ENOX2: variants seen among roughly 807,000 people sequenced by gnomAD.
The protein encoded by ENOX2 is ecto-NOX disulfide-thiol exchanger 2.
In ENOX2, 36 loss-of-function variants were observed where a neutral mutation model predicts 45.0. The ratio of observed to expected loss-of-function variants is 0.80; its 90% CI spans 0.61 to 1.06. ENOX2 has a LOEUF of 1.06. ENOX2 is among the 50% of genes least tolerant of loss of function. ENOX2 has a pLI of 0.00. For synonymous variants in ENOX2, 174 were observed against 152.3 expected, an observed-to-expected ratio of 1.14 and a Z score of -1.05; for missense variants, 423 against 462.5, an observed-to-expected ratio of 0.91 and a Z score of 0.78.
intron 2 of ENOX2, among the ~76,000 whole-genome samples, chrX:130,812,357 A>T (rs972811194): frequency 5.4e-5 from 6 of 112,126 alleles, no homozygotes; most frequent in African/African-American, 1.6e-4. Context: ...CAGTAAGGCT[A>T]GCAGTGGATT....
At chrX:130,873,045 T>C (rs1340147505) in intron 2 of ENOX2, among the ~76,000 whole-genome samples, 1 of 111,363 alleles carries the variant, frequency 9.0e-6, no homozygotes, top group Non-Finnish European at 1.9e-5. Context: ...AATTGACAAA[T>C]GGGATCTAAT....
intron 3 of ENOX2, among the ~76,000 whole-genome samples, chrX:130,755,193 G>A (rs1460975910): frequency 9.0e-6 from 1 of 110,878 alleles, no homozygotes; most frequent in Non-Finnish European, 1.9e-5. Flanking sequence ...GAGGCATTAT[G>A]GAACAATGTC....
chrX:130,785,833 G>T (rs1032625168), intron 2 of ENOX2, among the ~76,000 whole-genome samples: 1 of 112,260 alleles, frequency 8.9e-6, no homozygotes, highest in African/African-American at 3.2e-5. Context: ...ATAGTGGAAA[G>T]ATCCCGACAG....
At chrX:130,902,804 G>A (rs1297307694) in intron 1 of ENOX2, among the ~76,000 whole-genome samples, 1 of 100,499 alleles carries the variant, frequency 1.0e-5, no homozygotes, top group Non-Finnish European at 2.0e-5. Flanking sequence ...AAAGGGGCGG[G>A]CGAGTTGGAC....
At chrX:130,779,132 T>C (rs751243934) in intron 3 of ENOX2, among the ~76,000 whole-genome samples, 14 of 112,533 alleles carry the variant, frequency 1.2e-4, no homozygotes, top group Non-Finnish European at 2.3e-4. Context: ...GAACTTGGCA[T>C]TGTGATTTTA....
intron 2 of ENOX2, among the ~76,000 whole-genome samples, chrX:130,853,150 G>A (rs748186274): frequency 1.6e-4 from 18 of 109,437 alleles, no homozygotes; most frequent in Non-Finnish European, 3.0e-4. Context: ...ACCTAGAAAT[G>A]CCAATGGGCA....
intron 2 of ENOX2, among the ~76,000 whole-genome samples, chrX:130,856,092 A>C (rs1435353882): frequency 8.9e-6 from 1 of 112,265 alleles, no homozygotes; most frequent in Non-Finnish European, 1.9e-5. Flanking sequence ...AATGCTGAGA[A>C]ACTATCATTT....
chrX:130,845,173 A>G (rs890722726), intron 2 of ENOX2, among the ~76,000 whole-genome samples: 1 of 112,292 alleles, frequency 8.9e-6, no homozygotes, highest in Non-Finnish European at 1.9e-5. Context: ...ATTTAAATGC[A>G]CAGCAGGCAG....
intron 10 of ENOX2, among the ~76,000 whole-genome samples, chrX:130,639,702 T>G (rs1027189985): frequency 3.6e-5 from 4 of 110,425 alleles, no homozygotes; most frequent in Non-Finnish European, 7.6e-5. Flanking sequence ...TTAGACAACA[T>G]ACAAGAACAG....
At chrX:130,804,379 C>T (rs903974547) in intron 2 of ENOX2, among the ~76,000 whole-genome samples, 1 of 111,927 alleles carries the variant, frequency 8.9e-6, no homozygotes, top group Non-Finnish European at 1.9e-5. Context: ...AACTTTGGCA[C>T]TTTGAACACT....
intron 2 of ENOX2, among the ~76,000 whole-genome samples, chrX:130,848,470 T>C (rs971360785): frequency 5.3e-5 from 6 of 112,345 alleles, no homozygotes; most frequent in Admixed American, 4.7e-4. Flanking sequence ...ACTCTCTTTG[T>C]AATACTTTTC....
At chrX:130,813,900 C>T (rs766825796) in intron 2 of ENOX2, among the ~76,000 whole-genome samples, 65 of 111,934 alleles carry the variant, frequency 5.8e-4, no homozygotes, top group Non-Finnish European at 1.0e-3. Context: ...AAGACAGAAC[C>T]GTTTGCTCCC....
intron 3 of ENOX2, among the ~76,000 whole-genome samples, chrX:130,710,974 G>T (rs1185087622): frequency 8.9e-6 from 1 of 112,057 alleles, no homozygotes; most frequent in Non-Finnish European, 1.9e-5. Context: ...TTTAGAAAAT[G>T]CTTGAACAAA....
At position 130,898,487 on chromosome X, in the gene ENOX2, CGTGTGCGTGTGT is replaced by C. The variant is rs968320212; in HGVS notation, c.-183+3185_-183+3196del. Among the ~76,000 whole-genome samples the C allele has an allele frequency of 8.3e-5, 9 of 109,044 alleles. No homozygotes were observed. The East Asian group carries it at 8.6e-4, about 10-fold the overall frequency. The allele number at this position is 109,044 out of a possible 115,157, so 94.7% of individuals were successfully genotyped here. ...GTATGCCTACACAGATGTGTGTGTG[CGTGTGCGTGTGT>C]GTGTGCGTGTGTGTGTGTGTATTAT... On this transcript the variant is annotated intron_variant, in intron 2 of 14. Transcript: ENST00000394363.
intron 2 of ENOX2, among the ~76,000 whole-genome samples, chrX:130,869,409 C>T (rs981678669): frequency 9.0e-6 from 1 of 111,409 alleles, no homozygotes; most frequent in African/African-American, 3.3e-5. Context: ...TAATCTGCAC[C>T]TCCCAACTTA....
At chrX:130,790,442 C>T (rs1290851555) in intron 2 of ENOX2, among the ~76,000 whole-genome samples, 1 of 112,246 alleles carries the variant, frequency 8.9e-6, no homozygotes, top group Admixed American at 9.4e-5. Context: ...ATGCTCTACC[C>T]TAATACTTCT....
intron 3 of ENOX2, among the ~76,000 whole-genome samples, chrX:130,724,501 C>T (rs5977359): frequency 4.8e-4 from 54 of 112,837 alleles, no homozygotes; most frequent in African/African-American, 1.7e-3. Context: ...GGAGCCTGTG[C>T]TTTGCAAGGA....
At chrX:130,662,879 G>A (rs890075992) in intron 9 of ENOX2, among the ~76,000 whole-genome samples, 1 of 111,828 alleles carries the variant, frequency 8.9e-6, no homozygotes, top group African/African-American at 3.3e-5. Flanking sequence ...TCAAACAAGC[G>A]GGAAGGATTT....
chrX:130,775,093 A>G (rs2039821593), intron 3 of ENOX2, among the ~76,000 whole-genome samples: 1 of 112,163 alleles, frequency 8.9e-6, no homozygotes. Context: ...TTGGCACAGG[A>G]GCAAGATTGA....
Sources: allele counts gnomAD v4.1 joint callset (sites outside exome capture counted in the v4.1 genomes callset), GRCh38; gene constraint gnomAD v4.1.1; transcripts MANE v1.5; gene names NCBI Gene and HGNC (gene_info 2026-07-23, HGNC 2026-07-21).